The following CPPED1 variants were observed in gnomAD, a reference collection of about 807,000 sequenced individuals.
CPPED1 encodes calcineurin like phosphoesterase domain containing 1.
Under a neutral mutation model 28.0 loss-of-function variants are expected in CPPED1, and 28 were observed. That is an observed-to-expected ratio of 1.00 (90% CI 0.74 to 1.37). The LOEUF (loss-of-function observed/expected upper bound fraction) is 1.37, where lower values mean the gene tolerates loss of function less well. Among genes scored for constraint, CPPED1 ranks in the 40% most tolerant of loss-of-function variants. CPPED1 has a pLI of 0.00. For missense variants in CPPED1, 504 were observed against 416.5 expected, an observed-to-expected ratio of 1.21 and a Z score of -1.83; for synonymous variants, 198 against 180.2, an observed-to-expected ratio of 1.10 and a Z score of -0.79.
chr16:12,741,049 A>C (rs766572065), intron 2 of CPPED1, among the ~76,000 whole-genome samples: 5 of 152,340 alleles, frequency 3.3e-5, no homozygotes, highest in Non-Finnish European at 7.3e-5. Context: ...ATTGCACTAG[A>C]TAACAGTGCC....
At chr16:12,701,027 A>T (rs1012590164) in intron 3 of CPPED1, among the ~76,000 whole-genome samples, 1 of 152,046 alleles carries the variant, frequency 6.6e-6, no homozygotes, top group Non-Finnish European at 1.5e-5. Context: ...CAGGAATTTG[A>T]TATCAGCCTG....
At chr16:12,759,655 G>T (rs2080396620) in intron 2 of CPPED1, among the ~76,000 whole-genome samples, 1 of 152,198 alleles carries the variant, frequency 6.6e-6, no homozygotes, top group Non-Finnish European at 1.5e-5. Context: ...GGGGTCGGGG[G>T]GTGGTGTGGT....
At chr16:12,718,844 T>G (rs1469587415) in intron 2 of CPPED1, among the ~76,000 whole-genome samples, 1 of 152,198 alleles carries the variant, frequency 6.6e-6, no homozygotes, top group African/African-American at 2.4e-5. Context: ...GCACCAATAA[T>G]AGCAGCTATT....
intron 2 of CPPED1, among the ~76,000 whole-genome samples, chr16:12,725,054 G>A (rs1257004452): frequency 6.6e-6 from 1 of 151,804 alleles, no homozygotes; most frequent in Non-Finnish European, 1.5e-5. Flanking sequence ...CCAAAGTGCT[G>A]GGATTACAGG....
At chr16:12,778,722 A>G (rs1423335521) in intron 2 of CPPED1, among the ~76,000 whole-genome samples, 1 of 152,272 alleles carries the variant, frequency 6.6e-6, no homozygotes, top group Non-Finnish European at 1.5e-5. Flanking sequence ...TATGAGCTAA[A>G]TGAGAGGGAA....
At chr16:12,724,588 T>TGAA (rs2080159563) in intron 2 of CPPED1, among the ~76,000 whole-genome samples, 4 of 152,302 alleles carry the variant, frequency 2.6e-5, no homozygotes, top group Admixed American at 1.3e-4. Flanking sequence ...ATCCCTTCCC[T>TGAA]GGTGCTGTAG....
At chr16:12,795,122 C>G (rs879584081) in intron 1 of CPPED1, among the ~76,000 whole-genome samples, 7 of 152,196 alleles carry the variant, frequency 4.6e-5, no homozygotes, top group Admixed American at 1.3e-4. Flanking sequence ...AGCTGCTGTC[C>G]CAGGCAGCAC....
rs537371052 is a variant in CPPED1 at position 12,725,326 on chromosome 16, C to T, written c.290-20277G>A. On this transcript the variant is annotated intron_variant, in intron 2 of 3. Coordinates refer to ENST00000381774, the MANE Select transcript of CPPED1 (RefSeq NM_018340.3). ...GCCAGGGTGGTCTCGAACTCCTGAC[C>T]TCAAGTGATCTGGCTAACTGTAATC... is the stretch of plus-strand genomic sequence containing the variant. Among the ~76,000 whole-genome samples the T allele has an allele frequency of 2.0e-4, 30 of 152,294 alleles. 1 individual carries two copies. In the South Asian group the frequency reaches 6.2e-3, roughly 32 times the overall value.
chr16:12,687,737 C>A (rs902796249), intron 3 of CPPED1, among the ~76,000 whole-genome samples: 1 of 152,064 alleles, frequency 6.6e-6, no homozygotes, highest in Admixed American at 6.5e-5. Context: ...AAGAGAGGCA[C>A]CAGGTCACAA....
At chr16:12,775,738 G>A (rs2080494140) in intron 2 of CPPED1, among the ~76,000 whole-genome samples, 1 of 152,166 alleles carries the variant, frequency 6.6e-6, no homozygotes, top group South Asian at 2.1e-4. Context: ...AAGCGCACAA[G>A]GTTTGGAAAC....
chr16:12,680,256 C>T (rs1219324271), intron 3 of CPPED1, among the ~76,000 whole-genome samples: 2 of 152,162 alleles, frequency 1.3e-5, no homozygotes, highest in Non-Finnish European at 2.9e-5. Context: ...CAACCATTTG[C>T]CCCGAGTCTT....
intron 2 of CPPED1, among the ~76,000 whole-genome samples, chr16:12,708,603 G>T (rs974087427): frequency 6.6e-5 from 10 of 152,118 alleles, no homozygotes; most frequent in Non-Finnish European, 1.5e-4. Context: ...TTTTAGTTAA[G>T]AATCTGGAAA....
At chr16:12,734,058 GTTTTTTTTTTTTTT>G (rs71142517) in intron 2 of CPPED1, among the ~76,000 whole-genome samples, 76 of 64,428 alleles carry the variant, frequency 1.2e-3, no homozygotes, top group Admixed American at 3.3e-3. Flanking sequence ...CAAATTACAC[GTTTTTTTTTTTTTT>G]TTTTTTTTTT....
Position 12,664,390 on chromosome 16 carries a change from A to AGACAGCT in CPPED1, c.*489_*495dup. ...GTCTGCATGGCTCTCACAACAAGGGAGACAGCTGTTCGTTCCGCTGGAAAG... is the reference window on the plus strand; with the variant it reads ...GTCTGCATGGCTCTCACAACAAGGGAGACAGCTGACAGCTGTTCGTTCCGCTGGAAAG... On this transcript the variant is annotated 3_prime_UTR_variant, in exon 4 of 4. Coordinates refer to ENST00000381774, the MANE Select transcript of CPPED1 (RefSeq NM_018340.3). The surrounding 1 kb of genome is among the most constrained non-coding windows in gnomAD (Gnocchi z 4.2). The AGACAGCT allele has an allele frequency of 1.0e-6, 1 of 1,004,480 alleles. No individual in the cohort carries two copies. Among genetic ancestry groups the AGACAGCT allele is most frequent in the Non-Finnish European group, 1.2e-6 (1 of 843,286 alleles). The allele number at this position is 1,004,480 out of a possible 1,614,324, so 62.2% of individuals were successfully genotyped here. A position where few individuals can be genotyped will look rare whatever the true frequency, so the allele number is the denominator to read the frequency against.
At chr16:12,728,656 TACA>T (rs2080181828) in intron 2 of CPPED1, among the ~76,000 whole-genome samples, 1 of 152,220 alleles carries the variant, frequency 6.6e-6, no homozygotes, top group East Asian at 1.9e-4. Context: ...CCTGTTACTC[TACA>T]ACAAGATGCT....
chr16:12,748,832 G>C (rs2080308341), intron 2 of CPPED1, among the ~76,000 whole-genome samples: 1 of 147,596 alleles, frequency 6.8e-6, no homozygotes, highest in South Asian at 2.1e-4. Flanking sequence ...GCAGTGAGCA[G>C]AGATCTCACC....
chr16:12,727,936 A>T (rs181717386), intron 2 of CPPED1, among the ~76,000 whole-genome samples: 182 of 152,336 alleles, frequency 1.2e-3, no homozygotes, highest in Non-Finnish European at 2.2e-4. Context: ...CTGGAATGCA[A>T]CTATGTTTTG....
chr16:12,679,323 T>C (rs2079893424), intron 3 of CPPED1, among the ~76,000 whole-genome samples: 2 of 152,194 alleles, frequency 1.3e-5, no homozygotes, highest in Admixed American at 1.3e-4. Context: ...GCATCTTTTC[T>C]GTAAGCTTGA....
At chr16:12,701,988 C>T (rs2080023187) in intron 3 of CPPED1, among the ~76,000 whole-genome samples, 2 of 152,218 alleles carry the variant, frequency 1.3e-5, no homozygotes, top group Admixed American at 6.5e-5. Context: ...TCCCATGTAG[C>T]TCTGCCTACG....
Sources: allele counts gnomAD v4.1 joint callset (sites outside exome capture counted in the v4.1 genomes callset), GRCh38; gene constraint gnomAD v4.1.1; non-coding constraint Gnocchi (gnomAD v3.1); transcripts MANE v1.5; gene names NCBI Gene and HGNC (gene_info 2026-07-23, HGNC 2026-07-21).